Variants in CNGA3 observed in about 807,000 individuals in gnomAD.
The protein encoded by CNGA3 is cyclic nucleotide-gated channel alpha-3.
CNGA3 carries 42 observed loss-of-function variants against 46.6 expected under a neutral mutation model. The observed-to-expected ratio is 0.90, with a 90% CI of 0.70 to 1.17. The LOEUF is 1.17. Ranked by LOEUF, CNGA3 falls within the 50% of genes most tolerant of loss-of-function variation. The pLI is 0.00. For missense variants in CNGA3, 893 were observed against 890.7 expected (o/e 1.00, Z -0.03); for synonymous variants, 394 against 369.4 (o/e 1.07, Z -0.76).
chr2:98,356,836 A>T lies in CNGA3; in HGVS notation c.-38+10302A>T, dbSNP rs761037270. Among the ~76,000 whole-genome samples, 9 of 152,342 alleles carry T rather than the reference A, an allele frequency of 5.9e-5. No homozygotes were observed. In the South Asian group the frequency reaches 1.2e-3, roughly 21 times the overall value. ...CGTTCAGTCTAGAGCAAGGGGCTCGAAATGTTTGGCCCTCCTTTGTAGTAT... is the reference window on the plus strand; with the variant it reads ...CGTTCAGTCTAGAGCAAGGGGCTCGTAATGTTTGGCCCTCCTTTGTAGTAT... On this transcript the variant is annotated intron_variant, in intron 1 of 7. Coordinates refer to ENST00000272602, the MANE Select transcript of CNGA3 (RefSeq NM_001298.3).
chr2:98,385,206 C>G (rs1413458740), intron 5 of CNGA3, among the ~76,000 whole-genome samples: 1 of 152,132 alleles, frequency 6.6e-6, no homozygotes, highest in Non-Finnish European at 1.5e-5. Flanking sequence ...AAGCTGAGTC[C>G]GGCGTAAACT....
At position 98,396,740 on chromosome 2, in the gene CNGA3, G is replaced by A. The variant is rs112736405; in HGVS notation, c.1570G>A (p.Glu524Lys). The A allele has an allele frequency of 1.9e-5, 31 of 1,614,074 alleles. No homozygotes were observed. In the East Asian group the frequency reaches 2.7e-4, roughly 14 times the overall value. Residue 524 changes from glutamate (E) to lysine (K), a missense_variant, in exon 8 of 8, where the codon GAG becomes AAG. Coordinates refer to ENST00000272602, the MANE Select transcript of CNGA3 (RefSeq NM_001298.3). ...TGGGAAGGAGATGTACATCATCAAC[G>A]AGGGCAAGCTGGCCGTGGTGGCTGA... ...DIGKEMYIINEGKLAVVADDG... is the reference protein window; with the variant it reads ...DIGKEMYIINKGKLAVVADDG...
At position 98,377,728 on chromosome 2, in the gene CNGA3, C is replaced by T. The variant is rs62156348; in HGVS notation, c.143C>T (p.Pro48Leu). ...GAGGAGACATCGTCAGTGCTGCAGC[C>T]GGGGATCGCCATGGAGACCAGAGGA... ...SSEETSSVLQPGIAMETRGLA... is the reference protein window; with the variant it reads ...SSEETSSVLQLGIAMETRGLA... Residue 48 changes from proline (P) to leucine (L), a missense_variant, in exon 3 of 8, where the codon CCG becomes CTG. By Grantham distance (98) the Pro-to-Leu change is moderately conservative. Transcript: ENST00000272602. 5.6e-3 allele frequency: 9,072 copies of T among 1,613,398 alleles called. 32 individuals carry two copies. Among genetic ancestry groups the T allele is most frequent in the Non-Finnish European group, 6.9e-3 (8,101 of 1,179,986 alleles).
chr2:98,375,821 A>T (rs542926466), intron 2 of CNGA3, among the ~76,000 whole-genome samples: 1 of 152,138 alleles, frequency 6.6e-6, no homozygotes, highest in South Asian at 2.1e-4. Context: ...GCAAGTTTTG[A>T]AATGGGATGG....
chr2:98,380,120 G>A (rs768207874), intron 3 of CNGA3, 55 bp from the exon 4 acceptor site: 93 of 1,595,550 alleles, frequency 5.8e-5, no homozygotes, highest in Non-Finnish European at 7.9e-5. Context: ...CTGGGGTTTG[G>A]GGGTGTGGGG....
chr2:98,355,740 GT>G (rs1373643943), intron 1 of CNGA3: 2 of 152,012 alleles, frequency 1.3e-5, no homozygotes, highest in Non-Finnish European at 2.9e-5. Context: ...ATGCATCAGG[GT>G]TTTGTGGATT....
intron 1 of CNGA3, among the ~76,000 whole-genome samples, chr2:98,366,174 G>A (rs1057320477): frequency 3.3e-5 from 5 of 152,168 alleles, no homozygotes. Context: ...GCAGTTTGCT[G>A]GGGATCCTCT....
chr2:98,376,004 T>C (rs1381422349), intron 2 of CNGA3, among the ~76,000 whole-genome samples: 3 of 152,188 alleles, frequency 2.0e-5, no homozygotes, highest in Admixed American at 2.0e-4. Flanking sequence ...TTTGTGTATT[T>C]TGTTTGTGAG....
At chr2:98,386,244 G>A (rs2104220707) in intron 5 of CNGA3, among the ~76,000 whole-genome samples, 1 of 152,292 alleles carries the variant, frequency 6.6e-6, no homozygotes, top group East Asian at 1.9e-4. Context: ...ATGGCAAAGG[G>A]AACTTCGTAA....
intron 1 of CNGA3, among the ~76,000 whole-genome samples, chr2:98,358,569 A>T (rs1224215540): frequency 6.6e-6 from 1 of 152,266 alleles, no homozygotes; most frequent in Non-Finnish European, 1.5e-5. Context: ...GCAAAAATTC[A>T]TACTGTAGTA....
chr2:98,382,078 C>T (rs561914550), intron 4 of CNGA3, among the ~76,000 whole-genome samples: 64 of 152,312 alleles, frequency 4.2e-4, no homozygotes, highest in African/African-American at 1.3e-3. Flanking sequence ...AGGACCATAT[C>T]CAGGGCAGGC....
intron 1 of CNGA3, among the ~76,000 whole-genome samples, chr2:98,349,940 G>A (rs1558800783): frequency 6.6e-6 from 1 of 152,158 alleles, no homozygotes; most frequent in African/African-American, 2.4e-5. Flanking sequence ...GGGAGGAAGA[G>A]CATGCTTGAC....
rs144852699 is a variant in CNGA3 at position 98,369,771 on chromosome 2, G to A, written c.-37-168G>A. ...GCCTTATGCTAGAAAGAAGAGCCTG[G>A]AGATGTCCAACTAAAACTCACTGCA... On this transcript the variant is annotated intron_variant, in intron 1 of 7. Coordinates refer to ENST00000272602, the MANE Select transcript of CNGA3 (RefSeq NM_001298.3). Among the ~76,000 whole-genome samples the A allele has an allele frequency of 1.7e-3, 254 of 152,300 alleles. 1 individual carries two copies. The highest frequency in any genetic ancestry group is 6.0e-3 in the African/African-American group (250 of 41,570).
chr2:98,369,740 C>T (rs1692241957), intron 1 of CNGA3, among the ~76,000 whole-genome samples, 199 bp from the exon 2 acceptor site: 1 of 152,186 alleles, frequency 6.6e-6, no homozygotes, highest in South Asian at 2.1e-4. Context: ...GAGTAAAAGA[C>T]TTTGTGCCTT....
At chr2:98,387,280 C>T (rs904145773) in intron 5 of CNGA3, among the ~76,000 whole-genome samples, 1 of 152,134 alleles carries the variant, frequency 6.6e-6, no homozygotes, top group Non-Finnish European at 1.5e-5. Flanking sequence ...CCACACGTAT[C>T]GCACACAGCC....
At chr2:98,383,044 C>T (rs1459743849) in intron 4 of CNGA3, among the ~76,000 whole-genome samples, 1 of 152,190 alleles carries the variant, frequency 6.6e-6, no homozygotes, top group Admixed American at 6.5e-5. Flanking sequence ...TTCTGTGCCC[C>T]TCTTAGTGCC....
At chr2:98,387,455 T>G (rs1692677811) in intron 5 of CNGA3, among the ~76,000 whole-genome samples, 1 of 152,224 alleles carries the variant, frequency 6.6e-6, no homozygotes, top group Non-Finnish European at 1.5e-5. Flanking sequence ...CCGCAACCTT[T>G]GTTTCTTCAA....
chr2:98,353,675 G>C (rs1246299433), intron 1 of CNGA3, among the ~76,000 whole-genome samples: 1 of 152,174 alleles, frequency 6.6e-6, no homozygotes, highest in African/African-American at 2.4e-5. Flanking sequence ...TATTAGTCCA[G>C]TCTTATATTG....
At chr2:98,349,824 A>G (rs1691734971) in intron 1 of CNGA3, among the ~76,000 whole-genome samples, 1 of 152,206 alleles carries the variant, frequency 6.6e-6, no homozygotes, top group African/African-American at 2.4e-5. Context: ...CTGATGCTGG[A>G]TCTGGGGCAG....
Sources: gnomAD v4.1 joint callset for allele counts (sites outside exome capture counted in the v4.1 genomes callset) on GRCh38, gnomAD v4.1.1 for gene constraint, MANE v1.5 for transcripts, NCBI Gene and HGNC (gene_info 2026-07-23, HGNC 2026-07-21) for gene names.